The following ZNF827 variants were observed in gnomAD, a reference collection of about 807,000 sequenced individuals.
ZNF827 encodes zinc finger protein 827.
A neutral mutation model predicts 102.4 loss-of-function variants in ZNF827; 13 were observed. The observed-to-expected ratio is 0.13, with a 90% confidence interval of 0.08 to 0.20. ZNF827 has a LOEUF of 0.20. Among genes scored for constraint, ZNF827 ranks in the 10% least tolerant of loss-of-function variants. ZNF827 has a pLI of 1.00. For synonymous variants in ZNF827, 523 were observed against 536.2 expected, an observed-to-expected ratio of 0.98 and a Z score of 0.34; for missense variants, 1,103 against 1,344.4, an observed-to-expected ratio of 0.82 and a Z score of 2.81.
At chr4:145,895,810 G>A (rs1181022767) in intron 2 of ZNF827, among the ~76,000 whole-genome samples, 2 of 152,132 alleles carry the variant, frequency 1.3e-5, no homozygotes, top group East Asian at 3.8e-4. Flanking sequence ...ACTGACAGCT[G>A]TAAATTTCAC....
Position 145,808,204 on chromosome 4 carries a change from C to A in ZNF827, c.2383+15218G>T, listed in dbSNP as rs556188268. 5.9e-5 allele frequency among the ~76,000 whole-genome samples: 9 copies of A among 152,186 alleles called. No individual in the cohort carries two copies. The East Asian group carries it at 1.5e-3, about 26-fold the overall frequency. ...CATCTTGCCACAAAATGGTTACCTA[C>A]AATCCACATAACCAATTAATTCCTG... is the stretch of plus-strand genomic sequence containing the variant. On this transcript the variant is annotated intron_variant, in intron 8 of 14. Coordinates refer to ENST00000508784, the MANE Select transcript of ZNF827 (RefSeq NM_001306215.2).
intron 2 of ZNF827, among the ~76,000 whole-genome samples, chr4:145,899,393 G>T (rs1229079378): frequency 6.6e-6 from 1 of 152,132 alleles, no homozygotes; most frequent in East Asian, 1.9e-4. Context: ...CTCCTCAGAT[G>T]CCAAAATCAG....
chr4:145,853,976 A>G (rs187736535), intron 5 of ZNF827, among the ~76,000 whole-genome samples: 1 of 151,932 alleles, frequency 6.6e-6, no homozygotes, highest in Non-Finnish European at 1.5e-5. Flanking sequence ...GTCTCAATTA[A>G]AAAAAAATGA....
intron 5 of ZNF827, among the ~76,000 whole-genome samples, chr4:145,864,084 C>T (rs1378058052): frequency 2.0e-5 from 3 of 151,780 alleles, no homozygotes; most frequent in Non-Finnish European, 4.4e-5. Flanking sequence ...ATCCCAGCTG[C>T]TCAGGAGGCT....
chr4:145,798,057 AG>A, intron 8 of ZNF827, among the ~76,000 whole-genome samples: 1 of 152,324 alleles, frequency 6.6e-6, no homozygotes, highest in East Asian at 1.9e-4. Flanking sequence ...TGAGGACCAA[AG>A]GGACTTTGAG....
chr4:145,916,131 CT>C (rs1337581834), intron 1 of ZNF827, among the ~76,000 whole-genome samples: 1 of 152,232 alleles, frequency 6.6e-6, no homozygotes, highest in Non-Finnish European at 1.5e-5. Flanking sequence ...CTTTCCCAGC[CT>C]GAAGCTGCAT....
rs202227125 is a variant in ZNF827, at chr4:145,903,207, T to C, written c.52A>G (p.Arg18Gly). The change falls in exon 2 of 15, where the codon AGG becomes GGG. Residue 18 changes from arginine to glycine, a missense_variant. Arg to Gly is a moderately radical substitution (Grantham distance 125). Coordinates refer to ENST00000508784, the MANE Select transcript of ZNF827 (RefSeq NM_001306215.2). ...QPKRLPSHVS[R>G]QEEAEGELSE... ...AGCTCTCCCTCCGCCTCTTCCTGCC[T>C]ACTAACATCTGGGGAGAATTAAGAA... is the stretch of plus-strand genomic sequence containing the variant. The C allele has an allele frequency of 7.6e-5, 122 of 1,607,506 alleles. No individual in the cohort carries two copies. Among genetic ancestry groups the C allele is most frequent in the Non-Finnish European group, 7.0e-5 (82 of 1,175,604 alleles).
Position 145,779,490 on chromosome 4 carries a change from T to C in ZNF827, c.2405A>G (p.Glu802Gly), listed in dbSNP as rs753614785. ...CCAGGATGGTAATCCATTTCCTGCC[T>C]CTAGGACTATCTTTTCTGTTTCTGG... ...SAPETEKIVLEAGNGLPSWKF... is the reference protein window; with the variant it reads ...SAPETEKIVLGAGNGLPSWKF... Residue 802 changes from glutamate (E) to glycine (G), a missense_variant, in exon 9 of 15, where the codon GAG (glutamate) becomes GGG (glycine). By Grantham distance (98) the Glu-to-Gly change is moderately conservative. This residue lies in a region of ZNF827 where 242 missense variants were observed against 361.9 expected (regional missense o/e 0.67). Transcript: ENST00000508784. 4 of 1,613,928 alleles carry C rather than the reference T, an allele frequency of 2.5e-6. No individual in the cohort carries two copies. In the Admixed American group the frequency reaches 6.7e-5, roughly 27 times the overall value.
At chr4:145,927,080 G>A (rs988395830) in intron 1 of ZNF827, among the ~76,000 whole-genome samples, 2 of 152,130 alleles carry the variant, frequency 1.3e-5, no homozygotes, top group African/African-American at 2.4e-5. Flanking sequence ...TTTCAGTAAC[G>A]TTTCCTGGAG....
intron 9 of ZNF827, 34 bp from the exon 10 acceptor site, chr4:145,775,994 G>C: frequency 6.2e-7 from 1 of 1,611,660 alleles, no homozygotes; most frequent in Non-Finnish European, 8.5e-7. Flanking sequence ...AGCCCAAATC[G>C]CTTTCAAAAA....
At chr4:145,852,674 A>C (rs2126672638) in intron 5 of ZNF827, among the ~76,000 whole-genome samples, 1 of 152,298 alleles carries the variant, frequency 6.6e-6, no homozygotes, top group East Asian at 1.9e-4. Context: ...GTGGGGGACT[A>C]TATTGCACAT....
intron 3 of ZNF827, among the ~76,000 whole-genome samples, chr4:145,891,622 A>G (rs150319965): frequency 9.2e-4 from 140 of 152,300 alleles, no homozygotes; most frequent in African/African-American, 3.3e-3. Context: ...GGTAAATGTA[A>G]TCCTGGGAAT....
At chr4:145,894,643 G>A (rs1012493622) in intron 2 of ZNF827, among the ~76,000 whole-genome samples, 3 of 152,054 alleles carry the variant, frequency 2.0e-5, no homozygotes, top group African/African-American at 7.2e-5. Flanking sequence ...AATCAAGTCT[G>A]GAAATTCCAC....
intron 9 of ZNF827, 109 bp downstream of exon 9, chr4:145,779,265 A>G: frequency 1.4e-6 from 2 of 1,410,028 alleles, no homozygotes; most frequent in Non-Finnish European, 1.9e-6. Context: ...AAGGTCAGCC[A>G]TTCCCAGCAC....
At chr4:145,880,645 A>G (rs1432646874) in intron 4 of ZNF827, among the ~76,000 whole-genome samples, 1 of 152,226 alleles carries the variant, frequency 6.6e-6, no homozygotes, top group African/African-American at 2.4e-5. Flanking sequence ...GAGAATTTCA[A>G]AAGGGCATTC....
At chr4:145,843,750 A>T (rs900117849) in intron 7 of ZNF827, among the ~76,000 whole-genome samples, 1 of 152,202 alleles carries the variant, frequency 6.6e-6, no homozygotes, top group African/African-American at 2.4e-5. Flanking sequence ...TATAAGTGAG[A>T]ACCGCTGTCC....
intron 1 of ZNF827, among the ~76,000 whole-genome samples, chr4:145,921,679 T>C (rs1007665170): frequency 2.6e-5 from 4 of 152,024 alleles, no homozygotes; most frequent in African/African-American, 7.3e-5. Context: ...TACACTCAGG[T>C]TTCTGTCTCA....
rs181991142 is a variant in ZNF827 at position 145,803,368 on chromosome 4, T to G, written c.2383+20054A>C. On this transcript the variant is annotated intron_variant, in intron 8 of 14. Transcript: ENST00000508784. ...TCTTTAGAGATCTCTTTAATCCCATTAAACTCAGCAATTTGAAAAAAAAAT... is the reference window on the plus strand; with the variant it reads ...TCTTTAGAGATCTCTTTAATCCCATGAAACTCAGCAATTTGAAAAAAAAAT... Among the ~76,000 whole-genome samples the G allele has an allele frequency of 5.9e-5, 9 of 152,132 alleles. No individual in the cohort carries two copies. In the East Asian group the frequency reaches 1.7e-3, roughly 29 times the overall value.
intron 3 of ZNF827, among the ~76,000 whole-genome samples, chr4:145,890,833 G>A (rs1284766436): frequency 6.6e-6 from 1 of 152,192 alleles, no homozygotes; most frequent in Non-Finnish European, 1.5e-5. Context: ...TGGTTAAATG[G>A]ATTCTGAAGA....
Sources: allele counts gnomAD v4.1 joint callset (sites outside exome capture counted in the v4.1 genomes callset), GRCh38; gene constraint gnomAD v4.1.1; regional missense constraint gnomAD v4.1.1; transcripts MANE v1.5; gene names NCBI Gene and HGNC (gene_info 2026-07-23, HGNC 2026-07-21).